The following NBPF9 variants were observed in gnomAD, a reference collection of about 807,000 sequenced individuals.
The protein encoded by NBPF9 is NBPF family member NBPF9.
NBPF9 carries 91 observed loss-of-function variants against 97.8 expected under a neutral mutation model. That is an observed-to-expected ratio of 0.93 (90% CI 0.79 to 1.11). NBPF9 has a LOEUF of 1.11. NBPF9 is among the 50% of genes least tolerant of loss of function. The pLI is 0.00. For missense variants in NBPF9, 992 were observed against 939.5 expected (o/e 1.06, Z -0.73); for synonymous variants, 334 against 359.5 (o/e 0.93, Z 0.80).
chr1:149,069,060 T>G (rs1337824327), intron 17 of NBPF9, among the ~76,000 whole-genome samples: 4 of 152,192 alleles, frequency 2.6e-5, no homozygotes, highest in Non-Finnish European at 4.4e-5. Flanking sequence ...AATAAAGACG[T>G]TCTTTGAAAC....
chr1:149,070,968 A>G, exon 16 of NBPF9: 2 of 1,612,662 alleles, frequency 1.2e-6, no homozygotes, highest in Non-Finnish European at 8.5e-7. Flanking sequence ...CCCGTTCAAC[A>G]TGAGAGGATG....
At chr1:149,062,565 A>G in intron 21 of NBPF9, among the ~76,000 whole-genome samples, 1 of 141,264 alleles carries the variant, frequency 7.1e-6, no homozygotes, top group East Asian at 2.1e-4. Flanking sequence ...CGGGACACAC[A>G]GCGAACAGTG....
chr1:149,073,026 G>A lies in NBPF9; in HGVS notation c.1092-94C>T, dbSNP rs2152895119. 1.4e-6 allele frequency: 2 copies of A among 1,393,682 alleles called. 1 individual carries two copies. The highest frequency in any genetic ancestry group is 2.0e-6 in the Non-Finnish European group (2 of 981,080). The allele number at this position is 1,393,682 out of a possible 1,614,324, so 86.3% of individuals were successfully genotyped here. ...GAGATTTCTGAAACAGTGTCCTCAA[G>A]GAGACCTCGAAGCAGAAGGTCAGCA... On this transcript the variant is annotated intron_variant, in intron 13 of 29. Coordinates refer to ENST00000584027, the Ensembl canonical transcript of NBPF9.
At position 149,059,645 on chromosome 1, in the gene NBPF9, C is replaced by A. The variant is rs1272472499; in HGVS notation, c.2585+55G>T. Reference sequence around the variant, plus strand: ...CAAACACACTCTGGTTTCCCTGAATCTGTTGCCTCCAGGTGTTAACACAGA... The same window carrying A: ...CAAACACACTCTGGTTTCCCTGAATATGTTGCCTCCAGGTGTTAACACAGA... On this transcript the variant is annotated intron_variant, in intron 25 of 29. Transcript: ENST00000584027. 4.7e-5 allele frequency: 26 copies of A among 552,342 alleles called. 8 individuals carry two copies. Among genetic ancestry groups the A allele is most frequent in the African/African-American group, 1.4e-4 (6 of 41,520 alleles). The allele number at this position is 552,342 out of a possible 1,614,324, so 34.2% of individuals were successfully genotyped here. A position where few individuals can be genotyped will look rare whatever the true frequency, so the allele number is the denominator to read the frequency against.
chr1:149,082,940 TG>T (rs2080618594), intron 5 of NBPF9, among the ~76,000 whole-genome samples: 4 of 140,276 alleles, frequency 2.9e-5, no homozygotes, highest in Admixed American at 2.1e-4. Context: ...CCACCACGCC[TG>T]GCTAATTTTT....
chr1:149,073,784 G>T (rs2079613791), exon 13 of NBPF9: 1 of 1,580,692 alleles, frequency 6.3e-7, no homozygotes, highest in Non-Finnish European at 8.6e-7. Context: ...TCCTCAGCTT[G>T]CTTCAGCTGC....
At chr1:149,099,444 G>A (rs1553662725) in intron 3 of NBPF9, among the ~76,000 whole-genome samples, 1 of 152,158 alleles carries the variant, frequency 6.6e-6, no homozygotes, top group African/African-American at 2.4e-5. Flanking sequence ...TGGTATATTA[G>A]TATGTTCATT....
intron 5 of NBPF9, among the ~76,000 whole-genome samples, chr1:149,087,952 C>G (rs1421090858): frequency 6.7e-6 from 1 of 150,070 alleles, no homozygotes; most frequent in Non-Finnish European, 1.5e-5. Flanking sequence ...CCTGCCTCAG[C>G]CTCCCAAGTA....
chr1:149,061,891 A>G lies in NBPF9; in HGVS notation c.2251+202T>C, dbSNP rs1202481143. 9 of 437,780 alleles carry G rather than the reference A, an allele frequency of 2.1e-5. 3 individuals carry two copies. In the East Asian group the frequency reaches 2.8e-4, roughly 14 times the overall value. 27.1% of individuals were successfully genotyped at this position (437,780 alleles called of 1,614,324 possible). The stretch of plus-strand genomic sequence containing the variant: ...GTTGCCACAGGCATGGCTGGAGACT[A>G]GGAATGGAGCCTTGCTCACTGACCC... On this transcript the variant is annotated intron_variant, in intron 22 of 29. Transcript: ENST00000584027.
intron 11 of NBPF9, 86 bp from the exon 12 acceptor site, chr1:149,075,950 A>C (rs1575843357): frequency 2.9e-6 from 3 of 1,020,040 alleles, no homozygotes; most frequent in Non-Finnish European, 4.7e-6. Context: ...TGTCACTGGC[A>C]GCCTTGTTTA....
chr1:149,081,140 T>G (rs2080400337), intron 7 of NBPF9, among the ~76,000 whole-genome samples: 1 of 152,176 alleles, frequency 6.6e-6, no homozygotes, highest in African/African-American at 2.4e-5. Context: ...GTTTGTTTTT[T>G]GACGAGTCTT....
chr1:149,059,676 G>C lies in NBPF9; in HGVS notation c.2585+24C>G, dbSNP rs1480390820. On this transcript the variant is annotated intron_variant, in intron 25 of 29. Coordinates refer to ENST00000584027, the Ensembl canonical transcript of NBPF9. Reference sequence around the variant, plus strand: ...CCTCCAGGTGTTAACACAGAACTAAGGATCCAGAATTGCTGAAAGTCACCT... The same window carrying C: ...CCTCCAGGTGTTAACACAGAACTAACGATCCAGAATTGCTGAAAGTCACCT... 3.7e-4 allele frequency: 206 copies of C among 561,548 alleles called. 24 individuals are homozygous for C. In the East Asian group the frequency reaches 5.1e-3, roughly 14 times the overall value. The allele number at this position is 561,548 out of a possible 1,614,324, so 34.8% of individuals were successfully genotyped here.
intron 29 of NBPF9, among the ~76,000 whole-genome samples, 200 bp from the exon 30 acceptor site, chr1:149,056,099 G>C (rs1215106051): frequency 1.1e-4 from 15 of 141,242 alleles, no homozygotes; most frequent in African/African-American, 1.3e-4. Flanking sequence ...GAAAGACAGA[G>C]AGAGAAAGAC....
rs1157992196 is a variant in NBPF9, at chr1:149,082,957, C to CTTTTTTTT, written c.-194-535_-194-528dup. On this transcript the variant is annotated intron_variant, in intron 5 of 29. Coordinates refer to ENST00000584027, the Ensembl canonical transcript of NBPF9. The stretch of plus-strand genomic sequence containing the variant: ...ACCACGCCTGGCTAATTTTTCTTTT[C>CTTTTTTTT]TTTTTTTTTTTTTTTTTTTTTTTTT... 7.6e-3 allele frequency among the ~76,000 whole-genome samples: 506 copies of CTTTTTTTT among 66,440 alleles called. 8 individuals carry two copies. Among genetic ancestry groups the CTTTTTTTT allele is most frequent in the Middle Eastern group, 0.015 (1 of 66 alleles). 43.6% of individuals were successfully genotyped at this position (66,440 alleles called of 152,430 possible). A position where few individuals can be genotyped will look rare whatever the true frequency, so the allele number is the denominator to read the frequency against.
rs1388513722 is a variant in NBPF9 at position 149,076,221 on chromosome 1, A to G, written c.779-357T>C. ...CTTTTTTGGTTTTTTTGTTTGAGAC[A>G]GAGTCTCACTCTGTCACGCAGGCTG... is the stretch of plus-strand genomic sequence containing the variant. On this transcript the variant is annotated intron_variant, in intron 11 of 29. Coordinates refer to ENST00000584027, the Ensembl canonical transcript of NBPF9. 2.6e-5 allele frequency among the ~76,000 whole-genome samples: 4 copies of G among 151,326 alleles called. 1 individual carries two copies. Among genetic ancestry groups the G allele is most frequent in the Non-Finnish European group, 4.4e-5 (3 of 67,716 alleles).
At position 149,071,796 on chromosome 1, in the gene NBPF9, C is replaced by G. The variant is rs587671184; in HGVS notation, c.1307-120G>C. The stretch of plus-strand genomic sequence containing the variant: ...ATGGGTCACCGTTCAACTGAAAACT[C>G]TCATGTTTTATCTTTAACAGAATGC... On this transcript the variant is annotated intron_variant, in intron 14 of 29. Transcript: ENST00000584027. 3.0e-3 allele frequency: 1,997 copies of G among 663,984 alleles called. 30 individuals are homozygous for G. The African/African-American group carries it at 0.034, about 11-fold the overall frequency. The allele number at this position is 663,984 out of a possible 1,614,324, so 41.1% of individuals were successfully genotyped here.
exon 10 of NBPF9, chr1:149,077,883 C>G: frequency 6.4e-7 from 1 of 1,571,814 alleles, no homozygotes; most frequent in Non-Finnish European, 8.7e-7. Context: ...TCAGTGTTAC[C>G]TGGGGGCAGA....
chr1:149,076,766 C>T (rs1202447999), intron 11 of NBPF9, among the ~76,000 whole-genome samples: 6 of 151,010 alleles, frequency 4.0e-5, no homozygotes, highest in Non-Finnish European at 7.4e-5. Flanking sequence ...CCTCGGCCTC[C>T]CAAAGTGCTC....
At chr1:149,085,043 C>T (rs587614665) in intron 5 of NBPF9, among the ~76,000 whole-genome samples, 4 of 151,844 alleles carry the variant, frequency 2.6e-5, no homozygotes, top group Non-Finnish European at 5.9e-5. Context: ...TCCACTCCAC[C>T]GCTCCCCACA....
Sources: gnomAD v4.1 joint callset for allele counts (sites outside exome capture counted in the v4.1 genomes callset) on GRCh38, gnomAD v4.1.1 for gene constraint, MANE v1.5 for transcripts, NCBI Gene and HGNC (gene_info 2026-07-23, HGNC 2026-07-21) for gene names.